The following CTPS1 variants were observed in gnomAD, a reference collection of about 807,000 sequenced individuals.
The protein encoded by CTPS1 is CTP synthetase 1.
In CTPS1, 25 loss-of-function variants were observed where a neutral mutation model predicts 80.5. The observed-to-expected ratio is 0.31, with a 90% CI of 0.23 to 0.43. CTPS1 has a LOEUF of 0.43. Ranked by LOEUF, CTPS1 falls within the 20% of genes least tolerant of loss-of-function variation. The pLI is 1.00. For missense variants in CTPS1, 442 were observed against 725.7 expected, an observed-to-expected ratio of 0.61 and a Z score of 4.49; for synonymous variants, 267 against 252.5, an observed-to-expected ratio of 1.06 and a Z score of -0.54.
chr1:41,006,751 C>T (rs1399458363), intron 13 of CTPS1, among the ~76,000 whole-genome samples: 3 of 152,218 alleles, frequency 2.0e-5, no homozygotes, highest in South Asian at 4.1e-4. Context: ...TGAATGCGTA[C>T]TATATGCTGG....
intron 18 of CTPS1, among the ~76,000 whole-genome samples, chr1:41,010,474 A>G (rs1558174892): frequency 6.6e-6 from 1 of 152,208 alleles, no homozygotes; most frequent in Non-Finnish European, 1.5e-5. Context: ...TGCACCTCCC[A>G]GTCCTGCCCT....
At chr1:41,008,623 TA>T (rs1175983446) in intron 14 of CTPS1, 35 bp from the exon 15 acceptor site, 1 of 1,609,544 alleles carries the variant, frequency 6.2e-7, no homozygotes, top group African/African-American at 1.3e-5. Context: ...TCCTGTGAGA[TA>T]AAGTTCTTTA....
intron 10 of CTPS1, among the ~76,000 whole-genome samples, 153 bp downstream of exon 10, chr1:41,001,270 T>TA (rs1374046602): frequency 1.3e-5 from 2 of 152,236 alleles, no homozygotes; most frequent in Non-Finnish European, 2.9e-5. Flanking sequence ...ATTTAATCCT[T>TA]AAAAAATGCA....
chr1:40,993,912 G>T (rs192795086), intron 7 of CTPS1, among the ~76,000 whole-genome samples: 24 of 150,864 alleles, frequency 1.6e-4, no homozygotes, highest in Admixed American at 3.3e-4. Flanking sequence ...CTGAGTAGCT[G>T]GGGCTACAGG....
In CTPS1 at chr1:40,987,492, A is replaced by T; in HGVS notation, c.438+20A>T. The T allele has an allele frequency of 6.5e-7, 1 of 1,536,402 alleles. No homozygotes were observed. Among genetic ancestry groups the T allele is most frequent in the African/African-American group, 1.4e-5 (1 of 73,570 alleles). ...ATTGAGGTTTGTATGATTCCTGCAC[A>T]TGTGAACAAGTGTACTCATCTCCTT... is the stretch of plus-strand genomic sequence containing the variant. On this transcript the variant is annotated intron_variant, in intron 4 of 18. Transcript: ENST00000650070.
intron 1 of CTPS1, chr1:40,980,301 G>A (rs2148380720): frequency 6.6e-6 from 1 of 152,116 alleles, no homozygotes; most frequent in Admixed American, 6.5e-5. Flanking sequence ...CCTCGGCGCG[G>A]GCTCAGCCGC....
At chr1:41,002,316 G>A (rs925735917) in intron 11 of CTPS1, 62 bp downstream of exon 11, 43 of 1,355,978 alleles carry the variant, frequency 3.2e-5, no homozygotes, top group African/African-American at 1.4e-4. Context: ...ACGGTGCCAC[G>A]TGGGAGCCTA....
chr1:40,981,869 A>C, intron 1 of CTPS1: 1 of 461,190 alleles, frequency 2.2e-6, no homozygotes, highest in Non-Finnish European at 3.1e-6. Flanking sequence ...TGCTCTGGGG[A>C]GGGGGTGGGG....
intron 14 of CTPS1, 93 bp from the exon 15 acceptor site, chr1:41,008,566 A>G: frequency 7.4e-7 from 1 of 1,353,634 alleles, no homozygotes; most frequent in Non-Finnish European, 1.1e-6. Context: ...GGCTGTGTGG[A>G]TGATGAAAAG....
In CTPS1 at chr1:41,006,113, C is replaced by T. The variant is rs1270882928; in HGVS notation, c.1296+19C>T. On this transcript the variant is annotated intron_variant, in intron 13 of 18. Coordinates refer to ENST00000650070, the MANE Select transcript of CTPS1 (RefSeq NM_001905.4). ...TCCCGTGGTGAGTCAAGTGTTTGAA[C>T]CTCCACAGGGCTTAGAAGGGTGTAG... is the stretch of plus-strand genomic sequence containing the variant. The T allele has an allele frequency of 6.2e-7, 1 of 1,605,694 alleles. No individual in the cohort carries two copies. Among genetic ancestry groups the T allele is most frequent in the Admixed American group, 1.7e-5 (1 of 59,992 alleles).
Position 40,985,947 on chromosome 1 carries a change from C to T in CTPS1, c.337+956C>T, listed in dbSNP as rs762874882. On this transcript the variant is annotated intron_variant, in intron 3 of 18. Transcript: ENST00000650070. ...GAAGTGTTTCCCTGACTTCCTGACA[C>T]ATAGAAAGGAATCAGTTAGGAATTA... is the stretch of plus-strand genomic sequence containing the variant. Among the ~76,000 whole-genome samples, 30 of 152,200 alleles carry T rather than the reference C, an allele frequency of 2.0e-4. 1 individual carries two copies. The highest frequency in any genetic ancestry group is 4.4e-5 in the Non-Finnish European group (3 of 68,030).
At chr1:40,992,974 G>A (rs965101541) in intron 7 of CTPS1, among the ~76,000 whole-genome samples, 1 of 151,906 alleles carries the variant, frequency 6.6e-6, no homozygotes, top group Non-Finnish European at 1.5e-5. Flanking sequence ...GATTACAGGT[G>A]TGAGGGCGCC....
At chr1:40,981,665 C>G (rs1373233627) in intron 1 of CTPS1, among the ~76,000 whole-genome samples, 1 of 152,180 alleles carries the variant, frequency 6.6e-6, no homozygotes, top group Non-Finnish European at 1.5e-5. Context: ...TCCCAGGATT[C>G]TTGCGTTAAA....
At chr1:40,996,100 G>A (rs768208167) in intron 8 of CTPS1, 32 bp downstream of exon 8, 1 of 1,613,194 alleles carries the variant, frequency 6.2e-7, no homozygotes, top group Non-Finnish European at 8.5e-7. Flanking sequence ...GGGAGTGCTA[G>A]CCTCCTTTAC....
intron 12 of CTPS1, chr1:41,004,008 G>T (rs1642971010): frequency 1.3e-5 from 2 of 152,234 alleles, no homozygotes; most frequent in Admixed American, 1.3e-4. Flanking sequence ...CAAAATGACA[G>T]GCCTGTTATG....
In CTPS1 at chr1:41,008,806, T is replaced by C; in HGVS notation, c.1462T>C (p.Trp488Arg). 1 of 1,614,164 alleles carries C rather than the reference T, an allele frequency of 6.2e-7. No homozygotes were observed. ...CATGCCTCAACAGGTGAATCCAGTC[T>C]GGAAAAAGTGTTTGGAAGAACAAGG... ...HRHRFEVNPVWKKCLEEQGLK... is the reference protein window; with the variant it reads ...HRHRFEVNPVRKKCLEEQGLK... The change falls in exon 16 of 19, where the codon TGG becomes CGG. Residue 488 changes from tryptophan to arginine, a missense_variant. Transcript: ENST00000650070.
At chr1:41,004,495 G>A (rs1281881641) in intron 12 of CTPS1, among the ~76,000 whole-genome samples, 1 of 152,176 alleles carries the variant, frequency 6.6e-6, no homozygotes, top group Non-Finnish European at 1.5e-5. Context: ...CCAGACCTCT[G>A]CCTCTCACTT....
intron 5 of CTPS1, among the ~76,000 whole-genome samples, chr1:40,989,450 G>A (rs750375669): frequency 6.6e-6 from 1 of 152,180 alleles, no homozygotes; most frequent in Non-Finnish European, 1.5e-5. Context: ...TTCCACGTAG[G>A]AGGTTGTAAG....
chr1:41,011,064 G>A (rs1469681357), intron 18 of CTPS1, among the ~76,000 whole-genome samples: 2 of 152,230 alleles, frequency 1.3e-5, no homozygotes, highest in East Asian at 3.8e-4. Context: ...TGCACACCGT[G>A]TGTTCATCAC....
Sources: allele counts gnomAD v4.1 joint callset (sites outside exome capture counted in the v4.1 genomes callset), GRCh38; gene constraint gnomAD v4.1.1; transcripts MANE v1.5; gene names NCBI Gene and HGNC (gene_info 2026-07-23, HGNC 2026-07-21).